GLIS3: variants seen among roughly 807,000 people sequenced by gnomAD.
GLIS3 encodes zinc finger protein GLIS3.
GLIS3 carries 53 observed loss-of-function variants against 78.6 expected under a neutral mutation model. The observed-to-expected ratio is 0.67, with a 90% confidence interval of 0.54 to 0.85. The LOEUF (loss-of-function observed/expected upper bound fraction) is 0.85. Among genes scored for constraint, GLIS3 ranks in the 40% least tolerant of loss-of-function variants. The pLI is 0.00. For missense variants in GLIS3, 1,703 were observed against 1,231.1 expected, an observed-to-expected ratio of 1.38 and a Z score of -5.74; for synonymous variants, 684 against 509.9, an observed-to-expected ratio of 1.34 and a Z score of -4.60.
intron 2 of GLIS3, among the ~76,000 whole-genome samples, chr9:4,323,840 T>A (rs1323038983): frequency 6.6e-6 from 1 of 152,236 alleles, no homozygotes; most frequent in Non-Finnish European, 1.5e-5. Flanking sequence ...GCTGTTTGAA[T>A]GAATCATGAA....
the GLIS3 span, among the ~76,000 whole-genome samples, chr9:4,366,939 C>G: frequency 7.2e-6 from 1 of 138,868 alleles, no homozygotes; most frequent in African/African-American, 2.4e-5. Flanking sequence ...AGCACAATGG[C>G]TAAATTTCTG....
At chr9:4,144,206 C>A (rs1293121629) in intron 2 of GLIS3, among the ~76,000 whole-genome samples, 1 of 151,614 alleles carries the variant, frequency 6.6e-6, no homozygotes, top group Non-Finnish European at 1.5e-5. Context: ...ACACCTCCGT[C>A]CAAAGGAGGA....
intron 8 of GLIS3, among the ~76,000 whole-genome samples, chr9:3,877,409 C>G (rs967505065): frequency 6.6e-6 from 1 of 152,226 alleles, no homozygotes; most frequent in African/African-American, 2.4e-5. Context: ...TTACCTTGTG[C>G]ATAGAACTGT....
the GLIS3 span, among the ~76,000 whole-genome samples, chr9:4,452,668 G>A: frequency 6.6e-6 from 1 of 152,190 alleles, no homozygotes; most frequent in Non-Finnish European, 1.5e-5. Flanking sequence ...GGAAATAAGA[G>A]AGGACACAAA....
chr9:4,188,193 C>T lies in GLIS3; in HGVS notation c.389-62252G>A, dbSNP rs977278868. Among the ~76,000 whole-genome samples, 5 of 151,498 alleles carry T rather than the reference C, an allele frequency of 3.3e-5. No individual in the cohort carries two copies. In the East Asian group the frequency reaches 9.7e-4, roughly 29 times the overall value. Reference sequence around the variant, plus strand: ...CCCATCAATACCTAATTTATTGAGACGTTTTAGCATGAAGGGTTGTTGAAT... The same window carrying T: ...CCCATCAATACCTAATTTATTGAGATGTTTTAGCATGAAGGGTTGTTGAAT... On this transcript the variant is annotated intron_variant, in intron 2 of 10. Transcript: ENST00000381971.
chr9:4,424,498 A>G, the GLIS3 span, among the ~76,000 whole-genome samples: 14 of 152,200 alleles, frequency 9.2e-5, no homozygotes, highest in Non-Finnish European at 1.5e-5. Context: ...GTGGTCTCTT[A>G]GAGAATACTT....
chr9:4,140,951 A>ACGCTG (rs1486579705), intron 2 of GLIS3, among the ~76,000 whole-genome samples: 1 of 152,120 alleles, frequency 6.6e-6, no homozygotes, highest in Admixed American at 6.5e-5. Flanking sequence ...GGCGCGTGCC[A>ACGCTG]CCACGCTCAG....
intron 2 of GLIS3, among the ~76,000 whole-genome samples, chr9:4,190,223 C>T (rs986626888): frequency 6.6e-6 from 1 of 152,182 alleles, no homozygotes; most frequent in Admixed American, 6.5e-5. Flanking sequence ...TTCAGACAAT[C>T]AAACTACTCC....
At chr9:4,323,400 A>G (rs943507672) in intron 2 of GLIS3, among the ~76,000 whole-genome samples, 1 of 152,168 alleles carries the variant, frequency 6.6e-6, no homozygotes, top group African/African-American at 2.4e-5. Context: ...TATAGTCTCT[A>G]GAACTTGCTT....
At chr9:4,232,289 G>C (rs1269742548) in intron 2 of GLIS3, among the ~76,000 whole-genome samples, 1 of 151,492 alleles carries the variant, frequency 6.6e-6, no homozygotes, top group East Asian at 1.9e-4. Flanking sequence ...GCCAAGGCAG[G>C]GGGATCACTT....
chr9:4,112,833 C>T (rs187046560), intron 4 of GLIS3, among the ~76,000 whole-genome samples: 4 of 152,174 alleles, frequency 2.6e-5, no homozygotes, highest in Admixed American at 2.6e-4. Flanking sequence ...ACACCTATGA[C>T]ACCTATATTA....
chr9:4,007,931 C>G (rs1255396113), intron 4 of GLIS3, among the ~76,000 whole-genome samples: 1 of 151,496 alleles, frequency 6.6e-6, no homozygotes, highest in Non-Finnish European at 1.5e-5. Flanking sequence ...TCTTATCACT[C>G]CAGATAGCTT....
chr9:4,251,804 T>C (rs753795167), intron 2 of GLIS3, among the ~76,000 whole-genome samples: 2 of 152,216 alleles, frequency 1.3e-5, no homozygotes, highest in Non-Finnish European at 2.9e-5. Flanking sequence ...GGCCTGGTAG[T>C]GACAAAATCT....
intron 4 of GLIS3, among the ~76,000 whole-genome samples, chr9:4,045,790 C>A (rs1310537004): frequency 6.6e-6 from 1 of 152,114 alleles, no homozygotes; most frequent in Non-Finnish European, 1.5e-5. Flanking sequence ...GTCCTTGCAA[C>A]AGAGATCACT....
the GLIS3 span, among the ~76,000 whole-genome samples, chr9:4,465,698 G>C: frequency 6.6e-6 from 1 of 152,058 alleles, no homozygotes; most frequent in South Asian, 2.1e-4. Context: ...AACATCTTAT[G>C]TATTCCACAA....
chr9:4,194,864 A>T (rs75027930), intron 2 of GLIS3, among the ~76,000 whole-genome samples: 2,070 of 152,338 alleles, frequency 0.014, 48 homozygotes, highest in African/African-American at 0.047. Flanking sequence ...AAACACTGCG[A>T]AAAGCTGCAT....
At chr9:3,962,842 T>A (rs1048050057) in intron 4 of GLIS3, among the ~76,000 whole-genome samples, 1 of 151,602 alleles carries the variant, frequency 6.6e-6, no homozygotes, top group Non-Finnish European at 1.5e-5. Context: ...GCTAAAAACT[T>A]GGCAAATGGC....
chr9:4,047,434 CT>C (rs1358345207), intron 4 of GLIS3, among the ~76,000 whole-genome samples: 1 of 152,046 alleles, frequency 6.6e-6, no homozygotes, highest in Non-Finnish European at 1.5e-5. Flanking sequence ...TTTTATATTA[CT>C]TTTTTAGACC....
At chr9:3,951,880 ACACACGCACG>A (rs1184171153) in intron 4 of GLIS3, among the ~76,000 whole-genome samples, 2 of 150,218 alleles carry the variant, frequency 1.3e-5, no homozygotes, top group Non-Finnish European at 3.0e-5. Context: ...ACACACACAC[ACACACGCACG>A]CACACACCCA....
Sources: allele counts gnomAD v4.1 joint callset (sites outside exome capture counted in the v4.1 genomes callset), GRCh38; gene constraint gnomAD v4.1.1; transcripts MANE v1.5; gene names NCBI Gene and HGNC (gene_info 2026-07-23, HGNC 2026-07-21).